The following XKR4 variants were observed in gnomAD, a reference collection of about 807,000 sequenced individuals.
XKR4 encodes the protein XK related 4.
XKR4 carries 12 observed loss-of-function variants against 53.9 expected under a neutral mutation model. That is an observed-to-expected ratio of 0.22 (90% CI 0.14 to 0.36). XKR4 has a LOEUF of 0.36. Among genes scored for constraint, XKR4 ranks in the 10% least tolerant of loss-of-function variants. The probability of loss-of-function intolerance (pLI) is 1.00; values close to 1 mark genes in which losing one functional copy is unlikely to be tolerated. For missense variants in XKR4, 799 were observed against 859.5 expected, an observed-to-expected ratio of 0.93 and a Z score of 0.88; for synonymous variants, 354 against 362.4, an observed-to-expected ratio of 0.98 and a Z score of 0.26.
intron 1 of XKR4, among the ~76,000 whole-genome samples, chr8:55,307,657 GAA>G (rs1221020367): frequency 6.6e-6 from 1 of 151,718 alleles, no homozygotes; most frequent in Non-Finnish European, 1.5e-5. Context: ...GTCTCCAAAA[GAA>G]AAAAGAGAAT....
rs181526957 is a variant in XKR4, at chr8:55,109,209, C to T, written c.806+5915C>T. Among the ~76,000 whole-genome samples the T allele has an allele frequency of 6.1e-4, 93 of 152,178 alleles. 1 individual carries two copies. In the East Asian group the frequency reaches 0.015, roughly 25 times the overall value. ...CATCACTGGAGTGTCGAAGCATAGT[C>T]AGGAAAATTAGGTAGAGATGTGGTA... On this transcript the variant is annotated intron_variant, in intron 1 of 2. Transcript: ENST00000327381.
At chr8:55,360,657 G>A (rs1298889739) in intron 2 of XKR4, among the ~76,000 whole-genome samples, 9 of 152,182 alleles carry the variant, frequency 5.9e-5, no homozygotes, top group Admixed American at 5.9e-4. Context: ...GTATGTGACT[G>A]TCTAAAATTA....
intron 2 of XKR4, among the ~76,000 whole-genome samples, chr8:55,478,229 G>A (rs1048043632): frequency 1.7e-4 from 26 of 152,100 alleles, no homozygotes; most frequent in Non-Finnish European, 2.9e-4. Context: ...AACCAGAAGA[G>A]AGTGGGGGCC....
intron 2 of XKR4, among the ~76,000 whole-genome samples, chr8:55,414,113 TAAGA>T (rs1804811750): frequency 6.6e-6 from 1 of 152,178 alleles, no homozygotes; most frequent in Non-Finnish European, 1.5e-5. Context: ...TCTTCTACAG[TAAGA>T]AAGAGAAACC....
At chr8:55,266,552 G>A (rs888570828) in intron 1 of XKR4, among the ~76,000 whole-genome samples, 15 of 152,200 alleles carry the variant, frequency 9.9e-5, no homozygotes, top group South Asian at 6.2e-4. Flanking sequence ...CAATATACTC[G>A]TGGAAAAGTT....
intron 2 of XKR4, among the ~76,000 whole-genome samples, chr8:55,380,756 C>T (rs1804219955): frequency 6.6e-6 from 1 of 152,246 alleles, no homozygotes; most frequent in Non-Finnish European, 1.5e-5. Flanking sequence ...CAGGAACCTG[C>T]TACTGATTTC....
chr8:55,342,569 C>A (rs191720952), intron 1 of XKR4, among the ~76,000 whole-genome samples: 1 of 149,618 alleles, frequency 6.7e-6, no homozygotes, highest in Admixed American at 6.6e-5. Context: ...CTGCCCCCCA[C>A]CGATCTGCTC....
chr8:55,162,233 C>T (rs758700882), intron 1 of XKR4, among the ~76,000 whole-genome samples: 17 of 152,252 alleles, frequency 1.1e-4, no homozygotes, highest in African/African-American at 3.4e-4. Flanking sequence ...CGAGTGCCTC[C>T]GACAGGCTGT....
chr8:55,263,081 C>T (rs1012963124), intron 1 of XKR4, among the ~76,000 whole-genome samples: 1 of 152,218 alleles, frequency 6.6e-6, no homozygotes, highest in Non-Finnish European at 1.5e-5. Context: ...CAGTTCAGTT[C>T]AGCCCCCTCT....
At position 55,535,897 on chromosome 8, in the gene XKR4, G is replaced by C. The variant is rs1807025026; in HGVS notation, c.*11670G>C. The C allele has an allele frequency of 6.6e-6, 1 of 152,202 alleles. No homozygotes were observed. Among genetic ancestry groups the C allele is most frequent in the Admixed American group, 6.5e-5 (1 of 15,288 alleles). 9.4% of individuals were successfully genotyped at this position (152,202 alleles called of 1,614,324 possible). ...CCTGTGATAGTTCTCCTTGACCACTGGTCCCTATGGGCTCTGCAGGAGAGC... is the reference window on the plus strand; with the variant it reads ...CCTGTGATAGTTCTCCTTGACCACTCGTCCCTATGGGCTCTGCAGGAGAGC... On this transcript the variant is annotated 3_prime_UTR_variant, in exon 3 of 3. Transcript: ENST00000327381.
In XKR4 at chr8:55,357,857, A is replaced by G. The variant is rs766960972; in HGVS notation, c.986A>G (p.His329Arg). The G allele has an allele frequency of 6.2e-7, 1 of 1,613,296 alleles. No homozygotes were observed. The highest frequency in any genetic ancestry group is 1.3e-5 in the African/African-American group (1 of 74,918). The change falls in exon 2 of 3, where the codon CAT (histidine) becomes CGT (arginine). Residue 329 changes from histidine to arginine, a missense_variant. His to Arg is a conservative substitution (Grantham distance 29, BLOSUM62 0). Transcript: ENST00000327381. ...VLQLCIIVQT[H>R]SLQALQGFTA... ...CAGCTCTGCATTATCGTACAGACTCATAGCTTACAGGCCCTCCAAGGTAAG... is the reference window on the plus strand; with the variant it reads ...CAGCTCTGCATTATCGTACAGACTCGTAGCTTACAGGCCCTCCAAGGTAAG...
chr8:55,358,724 G>T (rs1803855815), intron 2 of XKR4, among the ~76,000 whole-genome samples: 1 of 152,226 alleles, frequency 6.6e-6, no homozygotes, highest in Non-Finnish European at 1.5e-5. Flanking sequence ...AATAGATGCT[G>T]TTACACAGTT....
In XKR4 at chr8:55,187,370, T is replaced by C. The variant is rs567349255; in HGVS notation, c.806+84076T>C. 2.1e-5 allele frequency among the ~76,000 whole-genome samples: 3 copies of C among 146,192 alleles called. No homozygotes were observed. In the East Asian group the frequency reaches 6.1e-4, roughly 30 times the overall value. ...TGATAGTGACACAATTAAGGAAATA[T>C]AGTGAACACATAGATACACTAAAAA... is the stretch of plus-strand genomic sequence containing the variant. On this transcript the variant is annotated intron_variant, in intron 1 of 2. Coordinates refer to ENST00000327381, the MANE Select transcript of XKR4 (RefSeq NM_052898.2).
intron 2 of XKR4, among the ~76,000 whole-genome samples, chr8:55,514,631 T>C (rs1806684980): frequency 6.6e-6 from 1 of 152,078 alleles, no homozygotes; most frequent in African/African-American, 2.4e-5. Flanking sequence ...CGTGTTTCCC[T>C]CTTCATTTCT....
chr8:55,143,216 C>T (rs118018533), intron 1 of XKR4, among the ~76,000 whole-genome samples: 174 of 152,322 alleles, frequency 1.1e-3, no homozygotes, highest in Non-Finnish European at 1.8e-3. Flanking sequence ...CAGTGCTGCT[C>T]TGATCATTTG....
chr8:55,397,074 C>T (rs898327520), intron 2 of XKR4, among the ~76,000 whole-genome samples: 3 of 152,194 alleles, frequency 2.0e-5, no homozygotes, highest in South Asian at 2.1e-4. Flanking sequence ...ATTTTCTCTA[C>T]GATTGACTGG....
chr8:55,102,263 A>T lies in XKR4; in HGVS notation c.-226A>T. On this transcript the variant is annotated 5_prime_UTR_variant, in exon 1 of 3. Coordinates refer to ENST00000327381, the MANE Select transcript of XKR4 (RefSeq NM_052898.2). This position sits in a 1 kb window ranked among gnomAD's most constrained non-coding sequence, Gnocchi z 5.1. ...GCAGCTTGGCTCCGCGCAGGCAGCC[A>T]GGCGGCGCTCCTGCCGGCCCCAGGC... 2.6e-6 allele frequency: 1 copy of T among 377,710 alleles called. No homozygotes were observed. The highest frequency in any genetic ancestry group is 3.6e-6 in the Non-Finnish European group (1 of 277,858). 23.4% of individuals were successfully genotyped at this position (377,710 alleles called of 1,614,324 possible). A position where few individuals can be genotyped will look rare whatever the true frequency, so the allele number is the denominator to read the frequency against.
At chr8:55,360,694 GATCTTTAA>G (rs757126533) in intron 2 of XKR4, among the ~76,000 whole-genome samples, 2 of 152,188 alleles carry the variant, frequency 1.3e-5, no homozygotes, top group Non-Finnish European at 2.9e-5. Context: ...AAGGAAAATT[GATCTTTAA>G]ACCCAATTTC....
chr8:55,465,126 G>GA (rs1805737963), intron 2 of XKR4, among the ~76,000 whole-genome samples: 3 of 152,144 alleles, frequency 2.0e-5, no homozygotes, highest in South Asian at 2.1e-4. Flanking sequence ...CACAGAATTG[G>GA]AAAAAACTAC....
Sources: allele counts gnomAD v4.1 joint callset (sites outside exome capture counted in the v4.1 genomes callset), GRCh38; gene constraint gnomAD v4.1.1; non-coding constraint Gnocchi (gnomAD v3.1); transcripts MANE v1.5; gene names NCBI Gene and HGNC (gene_info 2026-07-23, HGNC 2026-07-21).